The following SPATC1 variants were observed in gnomAD, a reference collection of about 807,000 sequenced individuals.
SPATC1 encodes the protein spermatogenesis and centriole associated 1, also known as speriolin.
SPATC1 carries 35 observed loss-of-function variants against 36.5 expected under a neutral mutation model. The ratio of observed to expected loss-of-function variants is 0.96; its 90% CI spans 0.73 to 1.27. The LOEUF (loss-of-function observed/expected upper bound fraction) is 1.27. Among genes scored for constraint, SPATC1 ranks in the 50% most tolerant of loss-of-function variants. The pLI is 0.00. For missense variants in SPATC1, 779 were observed against 796.0 expected (o/e 0.98, Z 0.26); for synonymous variants, 361 against 353.6 (o/e 1.02, Z -0.24).
At chr8:144,044,728 C>T (rs1316898811) in intron 4 of SPATC1, among the ~76,000 whole-genome samples, 2 of 151,812 alleles carry the variant, frequency 1.3e-5, no homozygotes, top group African/African-American at 4.8e-5. Context: ...GGGCAGATCA[C>T]CTGAGGTCAG....
intron 1 of SPATC1, among the ~76,000 whole-genome samples, chr8:144,031,179 T>G (rs1380479507): frequency 2.0e-5 from 3 of 152,198 alleles, no homozygotes; most frequent in Non-Finnish European, 4.4e-5. Context: ...AAGGACTCCC[T>G]TTAGCATTTC....
intron 1 of SPATC1, among the ~76,000 whole-genome samples, chr8:144,013,888 G>A (rs554378457): frequency 4.6e-5 from 7 of 152,146 alleles, no homozygotes; most frequent in Non-Finnish European, 7.3e-5. Context: ...CCTGAGAGGT[G>A]GAGTTTGCAG....
chr8:144,044,294 C>A (rs1587537077), intron 4 of SPATC1, among the ~76,000 whole-genome samples: 1 of 131,242 alleles, frequency 7.6e-6, no homozygotes, highest in African/African-American at 3.5e-5. Context: ...CTTCCCTATT[C>A]CTTGAAGGAA....
chr8:144,012,568 T>C lies in SPATC1; in HGVS notation c.53T>C (p.Val18Ala), dbSNP rs201053154. The C allele has an allele frequency of 9.7e-6, 15 of 1,547,394 alleles. No homozygotes were observed. Among genetic ancestry groups the C allele is most frequent in the Non-Finnish European group, 1.3e-5 (15 of 1,145,446 alleles). Residue 18 changes from valine to alanine, a missense_variant, in exon 1 of 5, where the codon GTG becomes GCG. By Grantham distance (64) the Val-to-Ala change is moderately conservative (BLOSUM62 0). Coordinates refer to ENST00000377470, the MANE Select transcript of SPATC1 (RefSeq NM_198572.3). ...CTTCGGCATCAGATAGAGAGGCTGGTGCGGGAAAATGAGGAACTGAAGAAG... is the reference window on the plus strand; with the variant it reads ...CTTCGGCATCAGATAGAGAGGCTGGCGCGGGAAAATGAGGAACTGAAGAAG... ...EGLRHQIERL[V>A]RENEELKKLV...
At chr8:144,032,035 T>C (rs935726148) in intron 1 of SPATC1, among the ~76,000 whole-genome samples, 8,836 of 150,880 alleles carry the variant, frequency 0.059, 314 homozygotes, top group Non-Finnish European at 0.079. Flanking sequence ...CTACAAATAT[T>C]TTTTTTTTCT....
intron 1 of SPATC1, among the ~76,000 whole-genome samples, chr8:144,019,564 G>T (rs1039411506): frequency 5.3e-5 from 8 of 152,192 alleles, no homozygotes; most frequent in African/African-American, 1.9e-4. Context: ...ACTGCGGGGC[G>T]TCCTGCTCCT....
In SPATC1 at chr8:144,017,851, G is replaced by C. The variant is rs1290993923; in HGVS notation, c.211+5125G>C. ...CCTGGGAGAAGGAAAGGCAGTTTTG[G>C]AGCAAGAAAATGAGTTGTATTTTGG... On this transcript the variant is annotated intron_variant, in intron 1 of 4. Transcript: ENST00000377470. Among the ~76,000 whole-genome samples, 3 of 152,276 alleles carry C rather than the reference G, an allele frequency of 2.0e-5. No individual in the cohort carries two copies. The East Asian group carries it at 5.8e-4, about 29-fold the overall frequency.
At chr8:144,033,041 T>C (rs1834828754) in intron 1 of SPATC1, among the ~76,000 whole-genome samples, 1 of 146,568 alleles carries the variant, frequency 6.8e-6, no homozygotes, top group Non-Finnish European at 1.5e-5. Context: ...CAAACTATAA[T>C]ATTTCAAATG....
intron 4 of SPATC1, among the ~76,000 whole-genome samples, chr8:144,043,634 C>A (rs565181076): frequency 3.3e-5 from 5 of 152,052 alleles, no homozygotes; most frequent in East Asian, 1.9e-4. Context: ...CCTCGGTCTC[C>A]CAAAGTGCTG....
rs1361439725 is a variant in SPATC1, at chr8:144,014,886, T to A, written c.211+2160T>A. Among the ~76,000 whole-genome samples the A allele has an allele frequency of 2.0e-5, 3 of 152,214 alleles. No individual in the cohort carries two copies. The East Asian group carries it at 5.8e-4, about 29-fold the overall frequency. On this transcript the variant is annotated intron_variant, in intron 1 of 4. Coordinates refer to ENST00000377470, the MANE Select transcript of SPATC1 (RefSeq NM_198572.3). ...CCACACATACTCTGCAGTGTGAGTATGGAGCGTGTGGTGTGGGTGTGTGAA... is the reference window on the plus strand; with the variant it reads ...CCACACATACTCTGCAGTGTGAGTAAGGAGCGTGTGGTGTGGGTGTGTGAA...
intron 1 of SPATC1, among the ~76,000 whole-genome samples, chr8:144,017,898 C>A (rs910518544): frequency 2.6e-5 from 4 of 152,106 alleles, no homozygotes; most frequent in African/African-American, 4.8e-5. Flanking sequence ...TTAAGATGTC[C>A]ACACAACATC....
At chr8:144,032,276 A>ATTAT (rs1834813176) in intron 1 of SPATC1, among the ~76,000 whole-genome samples, 1 of 151,476 alleles carries the variant, frequency 6.6e-6, no homozygotes, top group South Asian at 2.1e-4. Context: ...GGTATTTTTT[A>ATTAT]TTATTTTATT....
At chr8:144,017,368 T>C (rs1834415260) in intron 1 of SPATC1, among the ~76,000 whole-genome samples, 1 of 152,182 alleles carries the variant, frequency 6.6e-6, no homozygotes, top group South Asian at 2.1e-4. Context: ...TTCCTCTTTC[T>C]GGGCCTACCC....
intron 1 of SPATC1, among the ~76,000 whole-genome samples, chr8:144,032,878 GCA>G (rs1159765156): frequency 1.3e-5 from 2 of 152,200 alleles, no homozygotes; most frequent in African/African-American, 4.8e-5. Flanking sequence ...TGTGTCATAT[GCA>G]CAGATAGGGA....
At chr8:144,031,496 C>T (rs1358382333) in intron 1 of SPATC1, among the ~76,000 whole-genome samples, 1 of 145,164 alleles carries the variant, frequency 6.9e-6, no homozygotes, top group Admixed American at 7.0e-5. Flanking sequence ...ACTACGTTGC[C>T]CTGGCTGGTC....
At position 144,039,721 on chromosome 8, in the gene SPATC1, G is replaced by A. The variant is rs573209590; in HGVS notation, c.212-188G>A. On this transcript the variant is annotated intron_variant, in intron 1 of 4. Coordinates refer to ENST00000377470, the MANE Select transcript of SPATC1 (RefSeq NM_198572.3). ...TCTGAGCAGACACAGACTCCCCACA[G>A]AGGCAGAGACGCCACCACCCTGGCC... Among the ~76,000 whole-genome samples the A allele has an allele frequency of 2.1e-4, 32 of 152,312 alleles. No homozygotes were observed. The South Asian group carries it at 6.6e-3, about 32-fold the overall frequency.
At chr8:144,033,671 T>C (rs1425868479) in intron 1 of SPATC1, among the ~76,000 whole-genome samples, 1 of 152,186 alleles carries the variant, frequency 6.6e-6, no homozygotes. Flanking sequence ...ACACACATCC[T>C]TACCCATGGG....
chr8:144,024,916 T>C (rs2133116311), intron 1 of SPATC1, among the ~76,000 whole-genome samples: 1 of 150,722 alleles, frequency 6.6e-6, no homozygotes, highest in East Asian at 2.0e-4. Context: ...AAGGACCCTC[T>C]CCCCTCAGGA....
intron 1 of SPATC1, among the ~76,000 whole-genome samples, chr8:144,026,404 C>T (rs909064828): frequency 1.1e-3 from 170 of 152,192 alleles, no homozygotes; most frequent in African/African-American, 4.0e-3. Flanking sequence ...TGAATAATGC[C>T]GCTATGAACA....
Sources: gnomAD v4.1 joint callset for allele counts (sites outside exome capture counted in the v4.1 genomes callset) on GRCh38, gnomAD v4.1.1 for gene constraint, MANE v1.5 for transcripts, NCBI Gene and HGNC (gene_info 2026-07-23, HGNC 2026-07-21) for gene names.